ESR2: variants seen among roughly 807,000 people sequenced by gnomAD.
ESR2 encodes estrogen receptor beta.
ESR2 carries 36 observed loss-of-function variants against 49.6 expected under a neutral mutation model. That is an observed-to-expected ratio of 0.73 (90% CI 0.56 to 0.96). ESR2 has a LOEUF of 0.96. Ranked by LOEUF, ESR2 falls within the 40% of genes least tolerant of loss-of-function variation. The pLI is 0.00. For missense variants in ESR2, 714 were observed against 693.0 expected, an observed-to-expected ratio of 1.03 and a Z score of -0.34; for synonymous variants, 320 against 266.1, an observed-to-expected ratio of 1.20 and a Z score of -1.97.
intron 1 of ESR2, among the ~76,000 whole-genome samples, chr14:64,311,215 T>C (rs1476496159): frequency 6.6e-6 from 1 of 152,232 alleles, no homozygotes; most frequent in African/African-American, 2.4e-5. Flanking sequence ...ATTAATATTT[T>C]AAAATGCATT....
chr14:64,242,422 A>AC (rs1567735034), intron 7 of ESR2, among the ~76,000 whole-genome samples: 2 of 125,198 alleles, frequency 1.6e-5, no homozygotes, highest in Non-Finnish European at 3.2e-5. Flanking sequence ...AAAAAACAAA[A>AC]AAAACAAAAC....
chr14:64,285,108 C>G (rs549707199), intron 1 of ESR2, among the ~76,000 whole-genome samples: 147 of 152,284 alleles, frequency 9.7e-4, no homozygotes, highest in African/African-American at 3.3e-3. Context: ...CTCGGCCTCC[C>G]AAAGTGCTGG....
At chr14:64,283,689 A>G (rs992982815) in intron 1 of ESR2, among the ~76,000 whole-genome samples, 6 of 130,306 alleles carry the variant, frequency 4.6e-5, no homozygotes, top group Non-Finnish European at 3.2e-5. Context: ...CAGAGGTTGT[A>G]GTGAGCAGAG....
At chr14:64,277,739 G>A (rs2076584453) in intron 3 of ESR2, among the ~76,000 whole-genome samples, 1 of 151,828 alleles carries the variant, frequency 6.6e-6, no homozygotes, top group Non-Finnish European at 1.5e-5. Context: ...TTACTGTAAT[G>A]CACTTATATC....
intron 7 of ESR2, among the ~76,000 whole-genome samples, chr14:64,240,028 C>T (rs988312487): frequency 6.6e-6 from 1 of 152,216 alleles, no homozygotes; most frequent in Non-Finnish European, 1.5e-5. Context: ...ATACCAGAAA[C>T]TGAGCTGAAA....
intron 4 of ESR2, among the ~76,000 whole-genome samples, chr14:64,265,221 G>A (rs975422827): frequency 6.6e-6 from 1 of 152,130 alleles, no homozygotes; most frequent in Non-Finnish European, 1.5e-5. Context: ...CCACCAAATC[G>A]AGTGCTCCAT....
intron 4 of ESR2, among the ~76,000 whole-genome samples, chr14:64,263,623 T>A (rs187387427): frequency 5.9e-5 from 9 of 151,754 alleles, no homozygotes; most frequent in Admixed American, 2.0e-4. Flanking sequence ...CACTCCAGCC[T>A]GGGTGACAGA....
intron 4 of ESR2, among the ~76,000 whole-genome samples, chr14:64,265,099 C>T (rs1375545877): frequency 6.6e-6 from 1 of 152,142 alleles, no homozygotes; most frequent in Non-Finnish European, 1.5e-5. Flanking sequence ...GGGTTCTAGA[C>T]TCAATAAAGC....
chr14:64,314,554 A>G (rs2077228744), intron 1 of ESR2, among the ~76,000 whole-genome samples: 1 of 151,994 alleles, frequency 6.6e-6, no homozygotes, highest in Non-Finnish European at 1.5e-5. Context: ...TAGAAAAACC[A>G]ATGAAACAAA....
At chr14:64,327,200 C>A (rs963237126) in intron 1 of ESR2, among the ~76,000 whole-genome samples, 2 of 152,020 alleles carry the variant, frequency 1.3e-5, no homozygotes, top group African/African-American at 4.8e-5. Flanking sequence ...TATGAGTAGA[C>A]TAAAGTAATT....
intron 4 of ESR2, among the ~76,000 whole-genome samples, chr14:64,261,442 G>C (rs754123153): frequency 1.3e-5 from 2 of 151,958 alleles, no homozygotes; most frequent in Middle Eastern, 3.4e-3. Flanking sequence ...TTTTGAGACG[G>C]AGTCTCACTC....
chr14:64,296,550 G>A (rs2076960414), upstream of ESR2, among the ~76,000 whole-genome samples: 1 of 152,298 alleles, frequency 6.6e-6, no homozygotes, highest in East Asian at 1.9e-4. Context: ...GGCTAAGAAG[G>A]ACTTGAATCC....
chr14:64,277,240 G>A (rs1309405937), intron 3 of ESR2, among the ~76,000 whole-genome samples: 1 of 152,126 alleles, frequency 6.6e-6, no homozygotes, highest in African/African-American at 2.4e-5. Flanking sequence ...AGCTTCCAGT[G>A]CATTTGTACA....
chr14:64,246,594 G>T (rs185081554), intron 7 of ESR2, among the ~76,000 whole-genome samples: 1 of 151,652 alleles, frequency 6.6e-6, no homozygotes, highest in African/African-American at 2.4e-5. Context: ...AGGCATGGTG[G>T]CATGCACCTG....
At chr14:64,256,261 C>G (rs1459658710) in intron 6 of ESR2, among the ~76,000 whole-genome samples, 1 of 152,214 alleles carries the variant, frequency 6.6e-6, no homozygotes, top group East Asian at 1.9e-4. Context: ...CCTCCATAAA[C>G]AGTTCACCTA....
chr14:64,253,563 TGTGTG>T (rs2076032401), intron 6 of ESR2, among the ~76,000 whole-genome samples: 1 of 62,808 alleles, frequency 1.6e-5, no homozygotes, highest in Non-Finnish European at 3.0e-5. Context: ...ACACTATTTG[TGTGTG>T]TGTGTGTGTG....
chr14:64,284,273 A>C (rs1287608885), intron 1 of ESR2, among the ~76,000 whole-genome samples: 1 of 151,396 alleles, frequency 6.6e-6, no homozygotes, highest in Non-Finnish European at 1.5e-5. Context: ...GCTCTAAAAA[A>C]CAGAATTTTT....
intron 6 of ESR2, among the ~76,000 whole-genome samples, chr14:64,251,111 C>T (rs1053068356): frequency 1.3e-5 from 2 of 152,024 alleles, no homozygotes; most frequent in African/African-American, 2.4e-5. Flanking sequence ...CTCATCTTTC[C>T]ACCTCCCCAG....
chr14:64,266,691 T>G (rs2076336215), intron 4 of ESR2, among the ~76,000 whole-genome samples: 1 of 152,216 alleles, frequency 6.6e-6, no homozygotes, highest in African/African-American at 2.4e-5. Context: ...AACATACACA[T>G]AAGATATTAT....
Sources: gnomAD v4.1 joint callset for allele counts (sites outside exome capture counted in the v4.1 genomes callset) on GRCh38, gnomAD v4.1.1 for gene constraint, MANE v1.5 for transcripts, NCBI Gene and HGNC (gene_info 2026-07-23, HGNC 2026-07-21) for gene names.